The following GLIS3 variants were observed in gnomAD, a reference collection of about 807,000 sequenced individuals.
The protein encoded by GLIS3 is zinc finger protein GLIS3.
GLIS3 carries 53 observed loss-of-function variants against 78.6 expected under a neutral mutation model. The ratio of observed to expected loss-of-function variants is 0.67; its 90% CI spans 0.54 to 0.85. The LOEUF (loss-of-function observed/expected upper bound fraction) is 0.85, where lower values mean the gene tolerates loss of function less well. GLIS3 is among the 40% of genes least tolerant of loss of function. GLIS3 has a pLI of 0.00. For synonymous variants in GLIS3, 684 were observed against 509.9 expected (o/e 1.34, Z -4.60); for missense variants, 1,703 against 1,231.1 (o/e 1.38, Z -5.74).
At chr9:4,261,471 T>G (rs1215522354) in intron 2 of GLIS3, among the ~76,000 whole-genome samples, 1 of 151,898 alleles carries the variant, frequency 6.6e-6, no homozygotes, top group Non-Finnish European at 1.5e-5. Context: ...GAAACAGAGG[T>G]AGGGAAGAAT....
intron 4 of GLIS3, among the ~76,000 whole-genome samples, chr9:3,966,892 G>A (rs561254857): frequency 5.2e-4 from 78 of 151,224 alleles, no homozygotes; most frequent in African/African-American, 1.8e-3. Flanking sequence ...AATTAACTGA[G>A]GTCTGCAACT....
intron 4 of GLIS3, among the ~76,000 whole-genome samples, chr9:3,965,105 T>A (rs1478480638): frequency 1.3e-5 from 2 of 152,046 alleles, no homozygotes; most frequent in Non-Finnish European, 2.9e-5. Context: ...CTCCTAAGGT[T>A]TCTATGGTGC....
chr9:3,876,301 A>G (rs1821302435), intron 8 of GLIS3, among the ~76,000 whole-genome samples: 1 of 109,442 alleles, frequency 9.1e-6, no homozygotes, highest in African/African-American at 3.2e-5. Context: ...ACTTCATTAG[A>G]GTCAAGAAGA....
intron 2 of GLIS3, among the ~76,000 whole-genome samples, chr9:4,276,029 T>C (rs1587267540): frequency 6.6e-6 from 1 of 151,926 alleles, no homozygotes; most frequent in East Asian, 2.0e-4. Context: ...ATGCCTGTAA[T>C]CCTAGCACTT....
At chr9:4,207,001 G>A (rs1222303414) in intron 2 of GLIS3, among the ~76,000 whole-genome samples, 1 of 152,204 alleles carries the variant, frequency 6.6e-6, no homozygotes, top group Non-Finnish European at 1.5e-5. Context: ...TGTAGAGCCA[G>A]AGGGGATGGA....
At chr9:4,277,998 C>G (rs988382767) in intron 2 of GLIS3, among the ~76,000 whole-genome samples, 2 of 151,822 alleles carry the variant, frequency 1.3e-5, no homozygotes, top group African/African-American at 4.8e-5. Context: ...ACACATTCAC[C>G]TCCGCTCATT....
At chr9:4,458,319 C>T in the GLIS3 span, among the ~76,000 whole-genome samples, 1 of 152,210 alleles carries the variant, frequency 6.6e-6, no homozygotes, top group Non-Finnish European at 1.5e-5. Flanking sequence ...AGTGACAAGG[C>T]AAAGGTCTCC....
At chr9:4,115,691 G>A (rs895543459) in intron 4 of GLIS3, among the ~76,000 whole-genome samples, 1 of 151,998 alleles carries the variant, frequency 6.6e-6, no homozygotes, top group Non-Finnish European at 1.5e-5. Context: ...CCCATAATAT[G>A]TATGTTTTAG....
chr9:4,211,923 G>C (rs944454475), intron 2 of GLIS3, among the ~76,000 whole-genome samples: 2 of 152,226 alleles, frequency 1.3e-5, no homozygotes, highest in Non-Finnish European at 2.9e-5. Flanking sequence ...CAGACACAAA[G>C]ACCATAAACT....
intron 7 of GLIS3, among the ~76,000 whole-genome samples, chr9:3,895,272 C>A (rs1822747899): frequency 6.6e-6 from 1 of 152,330 alleles, no homozygotes. Flanking sequence ...TCAGATAAAT[C>A]ATCTAAATTT....
chr9:4,153,504 C>T (rs546334840), intron 2 of GLIS3, among the ~76,000 whole-genome samples: 21 of 152,226 alleles, frequency 1.4e-4, no homozygotes, highest in Non-Finnish European at 2.1e-4. Context: ...GCAGAGGTTG[C>T]AGTGAGCTGA....
At chr9:4,417,006 C>T in the GLIS3 span, among the ~76,000 whole-genome samples, 4 of 151,906 alleles carry the variant, frequency 2.6e-5, no homozygotes, top group Non-Finnish European at 5.9e-5. Context: ...ATCTCTGTTC[C>T]GTTCTTTGTT....
At chr9:4,059,804 T>TTGTGTGTGTGTGTGTGTGTGTGTG (rs138674422) in intron 4 of GLIS3, among the ~76,000 whole-genome samples, 95 of 107,652 alleles carry the variant, frequency 8.8e-4, no homozygotes, top group Non-Finnish European at 1.3e-3. Flanking sequence ...TCAGCTTTAT[T>TTGTGTGTGTGTGTGTGTGTGTGTG]TGTGTGTGTG....
chr9:4,137,652 T>TACAA (rs1833497914), intron 2 of GLIS3, among the ~76,000 whole-genome samples: 1 of 152,182 alleles, frequency 6.6e-6, no homozygotes. Flanking sequence ...AATTAAGCAA[T>TACAA]ATTCCTGGAG....
intron 4 of GLIS3, among the ~76,000 whole-genome samples, chr9:3,942,329 T>G (rs1273398249): frequency 1.3e-5 from 2 of 152,148 alleles, no homozygotes; most frequent in East Asian, 3.8e-4. Flanking sequence ...ATCCCATTAG[T>G]GATGGCTGAT....
intron 5 of GLIS3, among the ~76,000 whole-genome samples, chr9:3,934,824 C>G (rs1019615550): frequency 5.9e-5 from 9 of 152,046 alleles, no homozygotes; most frequent in African/African-American, 2.2e-4. Flanking sequence ...ACTGGTATGC[C>G]AAAAAAGTAA....
chr9:3,901,073 CGTGACTACGCACCTT>C (rs1240462529), intron 6 of GLIS3: 1 of 152,518 alleles, frequency 6.6e-6, no homozygotes, highest in Non-Finnish European at 1.5e-5. Context: ...CCCTCCACCT[CGTGACTACGCACCTT>C]GTGACATTCT....
rs144528722 is a variant in GLIS3, at chr9:3,943,312, T to C, written c.1711-6123A>G. On this transcript the variant is annotated intron_variant, in intron 4 of 10. Coordinates refer to ENST00000381971, the MANE Select transcript of GLIS3 (RefSeq NM_001042413.2). ...TTCATGAATCGATTATGTGGAGTAATAGGGAATTCCTTCTGCTCCTTGTTT... is the reference window on the plus strand; with the variant it reads ...TTCATGAATCGATTATGTGGAGTAACAGGGAATTCCTTCTGCTCCTTGTTT... Among the ~76,000 whole-genome samples, 3 of 152,320 alleles carry C rather than the reference T, an allele frequency of 2.0e-5. No homozygotes were observed. In the East Asian group the frequency reaches 5.8e-4, roughly 29 times the overall value.
At chr9:4,297,544 A>G (rs1484110129) in intron 1 of GLIS3, among the ~76,000 whole-genome samples, 1 of 152,166 alleles carries the variant, frequency 6.6e-6, no homozygotes. Context: ...GGAGATGCTG[A>G]AGTCTTGGAG....
Sources: allele counts gnomAD v4.1 joint callset (sites outside exome capture counted in the v4.1 genomes callset), GRCh38; gene constraint gnomAD v4.1.1; transcripts MANE v1.5; gene names NCBI Gene and HGNC (gene_info 2026-07-23, HGNC 2026-07-21).